Variants in GPHN observed in about 807,000 individuals in gnomAD.
The protein encoded by GPHN is gephyrin.
A neutral mutation model predicts 95.5 loss-of-function variants in GPHN; 17 were observed. The observed-to-expected ratio is 0.18, with a 90% CI of 0.12 to 0.27. GPHN has a LOEUF of 0.27. GPHN is among the 10% of genes least tolerant of loss of function. GPHN has a pLI of 1.00. For synonymous variants in GPHN, 320 were observed against 322.5 expected (o/e 0.99, Z 0.08); for missense variants, 660 against 978.1 (o/e 0.67, Z 4.34).
chr14:66,602,994 A>C (rs2062329502), intron 1 of GPHN, among the ~76,000 whole-genome samples: 1 of 151,810 alleles, frequency 6.6e-6, no homozygotes, highest in Non-Finnish European at 1.5e-5. Context: ...TCCAGTGTTC[A>C]ATTTTGGTTC....
the GPHN span, among the ~76,000 whole-genome samples, chr14:67,490,188 G>A: frequency 6.6e-6 from 1 of 152,114 alleles, no homozygotes; most frequent in Non-Finnish European, 1.5e-5. Flanking sequence ...CTAATTTATA[G>A]GCCACCATCA....
chr14:67,570,010 G>C, the GPHN span: 125 of 1,585,494 alleles, frequency 7.9e-5, no homozygotes, highest in Non-Finnish European at 1.0e-4. Flanking sequence ...AGCACTGAAG[G>C]GGGTAAGAAA....
the GPHN span, among the ~76,000 whole-genome samples, chr14:67,344,279 C>A: frequency 6.6e-6 from 1 of 152,202 alleles, no homozygotes; most frequent in Non-Finnish European, 1.5e-5. Context: ...CAACTTGTAG[C>A]AGACTCTAGA....
In GPHN at chr14:66,774,325, A is replaced by T. The variant is rs2059302964; in HGVS notation, c.144-2139A>T. Among the ~76,000 whole-genome samples, 3 of 152,284 alleles carry T rather than the reference A, an allele frequency of 2.0e-5. No homozygotes were observed. In the South Asian group the frequency reaches 6.2e-4, roughly 32 times the overall value. ...CCATATCTACAAGGTTTTAATGTAG[A>T]TATCATTCAGACTAATTTCTGTAAT... On this transcript the variant is annotated intron_variant, in intron 2 of 22. Coordinates refer to ENST00000478722, the MANE Select transcript of GPHN (RefSeq NM_020806.5).
chr14:66,637,292 A>T (rs2064152912), intron 1 of GPHN, among the ~76,000 whole-genome samples: 1 of 152,112 alleles, frequency 6.6e-6, no homozygotes, highest in South Asian at 2.1e-4. Context: ...CAGTTATGTA[A>T]CCCGGATTTT....
intron 5 of GPHN, among the ~76,000 whole-genome samples, chr14:66,909,294 G>C (rs1365334240): frequency 6.6e-6 from 1 of 152,000 alleles, no homozygotes; most frequent in African/African-American, 2.4e-5. Context: ...CCTGAGTGTA[G>C]TAAAACGTAA....
chr14:67,303,678 T>C, the GPHN span: 1 of 976,810 alleles, frequency 1.0e-6, no homozygotes, highest in South Asian at 1.3e-5. Context: ...GTTACAGAAA[T>C]GTCACTGTTT....
chr14:66,809,788 C>A (rs574892647), intron 3 of GPHN, among the ~76,000 whole-genome samples: 2 of 152,226 alleles, frequency 1.3e-5, no homozygotes, highest in South Asian at 2.1e-4. Flanking sequence ...AGAATAAGAG[C>A]ATCCCAGAGG....
At chr14:66,676,517 A>G (rs1284392084) in intron 1 of GPHN, among the ~76,000 whole-genome samples, 1 of 151,994 alleles carries the variant, frequency 6.6e-6, no homozygotes, top group Non-Finnish European at 1.5e-5. Context: ...TTATGAAGGG[A>G]GTTGAATTTT....
At chr14:67,313,591 C>T in the GPHN span, among the ~76,000 whole-genome samples, 4 of 151,876 alleles carry the variant, frequency 2.6e-5, no homozygotes, top group Admixed American at 6.6e-5. Context: ...AATAAGCTAT[C>T]GGAGAAGGCA....
Position 66,625,522 on chromosome 14 carries a change from G to A in GPHN, c.65-55585G>A, listed in dbSNP as rs114583960. ...ATTTTCTTAACTTTTCTTTCCTATT[G>A]TCTGCCTTTTGTCCTACTTCTTGGT... On this transcript the variant is annotated intron_variant, in intron 1 of 22. Coordinates refer to ENST00000478722, the MANE Select transcript of GPHN (RefSeq NM_020806.5). Among the ~76,000 whole-genome samples, 1,108 of 150,852 alleles carry A rather than the reference G, an allele frequency of 7.3e-3. 7 individuals carry two copies. The highest frequency in any genetic ancestry group is 0.026 in the African/African-American group (1,059 of 41,026).
intron 11 of GPHN, among the ~76,000 whole-genome samples, chr14:67,063,011 A>G (rs1278061061): frequency 6.6e-6 from 1 of 152,164 alleles, no homozygotes; most frequent in Non-Finnish European, 1.5e-5. Context: ...TATGTCCTGA[A>G]TGGTATTGCC....
intron 1 of GPHN, among the ~76,000 whole-genome samples, chr14:66,636,785 G>A (rs2064125590): frequency 6.6e-6 from 1 of 152,092 alleles, no homozygotes; most frequent in African/African-American, 2.4e-5. Context: ...TTAACAAGCA[G>A]GCTGGTTTAT....
At chr14:67,532,137 G>A in the GPHN span, among the ~76,000 whole-genome samples, 2 of 152,096 alleles carry the variant, frequency 1.3e-5, no homozygotes, top group Non-Finnish European at 2.9e-5. Flanking sequence ...CTCACGTTTG[G>A]CCTCCTGCAC....
the GPHN span, among the ~76,000 whole-genome samples, chr14:67,236,557 C>T: frequency 2.6e-5 from 4 of 152,136 alleles, no homozygotes; most frequent in Admixed American, 6.5e-5. Flanking sequence ...TTGTTAAAGC[C>T]AATTAGGTTG....
chr14:66,514,707 T>G (rs567589147), intron 1 of GPHN, among the ~76,000 whole-genome samples: 1 of 152,260 alleles, frequency 6.6e-6, no homozygotes, highest in African/African-American at 2.4e-5. Context: ...GAAATTTTTG[T>G]GACATTAATC....
At chr14:66,884,818 G>GTA (rs34476314) in intron 5 of GPHN, among the ~76,000 whole-genome samples, 16,821 of 144,826 alleles carry the variant, frequency 0.12, 1,252 homozygotes, top group Non-Finnish European at 0.18. Context: ...ATGTGTGTGT[G>GTA]TATATATATA....
At chr14:67,412,158 C>T in the GPHN span, 1 of 1,050,362 alleles carries the variant, frequency 9.5e-7, no homozygotes, top group African/African-American at 1.7e-5. Context: ...CCACGGCGCC[C>T]AGGAAGCAGC....
chr14:67,292,629 A>C, the GPHN span: 7 of 1,613,692 alleles, frequency 4.3e-6, no homozygotes, highest in Non-Finnish European at 5.9e-6. Flanking sequence ...TCCAGAATGC[A>C]TTTAAGATAC....
Sources: gnomAD v4.1 joint callset for allele counts (sites outside exome capture counted in the v4.1 genomes callset) on GRCh38, gnomAD v4.1.1 for gene constraint, MANE v1.5 for transcripts, NCBI Gene and HGNC (gene_info 2026-07-23, HGNC 2026-07-21) for gene names.